EPS8: variants seen among roughly 807,000 people sequenced by gnomAD.
The protein encoded by EPS8 is EGFR pathway substrate 8, signaling adaptor.
EPS8 carries 42 observed loss-of-function variants against 103.8 expected under a neutral mutation model. The ratio of observed to expected loss-of-function variants is 0.40; its 90% CI spans 0.32 to 0.52. The LOEUF is 0.52. Among genes scored for constraint, EPS8 ranks in the 20% least tolerant of loss-of-function variants. The probability of loss-of-function intolerance (pLI) is 0.40; values close to 1 mark genes in which losing one functional copy is unlikely to be tolerated. For synonymous variants in EPS8, 344 were observed against 344.6 expected (o/e 1.00, Z 0.02); for missense variants, 969 against 1,005.1 (o/e 0.96, Z 0.49).
rs936403022 is a variant in EPS8, at chr12:15,620,481, C to T, written c.*836G>A. ...GACACAGATAAACACATAAAATGGCCCCACTTCCTTTTAACTACTCATATC... is the reference window on the plus strand; with the variant it reads ...GACACAGATAAACACATAAAATGGCTCCACTTCCTTTTAACTACTCATATC... On this transcript the variant is annotated 3_prime_UTR_variant, in exon 21 of 21. Transcript: ENST00000281172. 1.6e-4 allele frequency: 24 copies of T among 152,504 alleles called. No individual in the cohort carries two copies. The highest frequency in any genetic ancestry group is 1.2e-3 in the Admixed American group (18 of 15,254). The allele number at this position is 152,504 out of a possible 1,614,324, so 9.4% of individuals were successfully genotyped here.
In EPS8 at chr12:15,717,592, AAAAG is replaced by A. The variant is rs199637244; in HGVS notation, c.-21-34624_-21-34621del. On this transcript the variant is annotated intron_variant, in intron 1 of 20. Coordinates refer to ENST00000281172, the MANE Select transcript of EPS8 (RefSeq NM_004447.6). This position sits in a 1 kb window ranked among gnomAD's most constrained non-coding sequence, Gnocchi z 4.3. The stretch of plus-strand genomic sequence containing the variant: ...ACAGCACGAGACTCCATCTCAAAAA[AAAAG>A]AAAGAAAGAAAGAAAAAAGAAATGA... Among the ~76,000 whole-genome samples, 3 of 152,272 alleles carry A rather than the reference AAAAG, an allele frequency of 2.0e-5. No individual in the cohort carries two copies. Among genetic ancestry groups the A allele is most frequent in the Non-Finnish European group, 2.9e-5 (2 of 68,018 alleles).
intron 17 of EPS8, among the ~76,000 whole-genome samples, chr12:15,637,705 T>TGAAGAA (rs1945160736): frequency 6.6e-6 from 1 of 152,212 alleles, no homozygotes; most frequent in Non-Finnish European, 1.5e-5. Context: ...AAAGTTTCTT[T>TGAAGAA]ATATTTCTTC....
chr12:15,748,351 C>G lies in EPS8; in HGVS notation c.-22+40810G>C, dbSNP rs1177825150. On this transcript the variant is annotated intron_variant, in intron 1 of 20. Transcript: ENST00000281172. This position sits in a 1 kb window ranked among gnomAD's most constrained non-coding sequence, Gnocchi z 4.8. Reference sequence around the variant, plus strand: ...ACCAATTTTAAGTATTCATCTATTACCAAATAAATTCACCTAGTAGGAAAA... The same window carrying G: ...ACCAATTTTAAGTATTCATCTATTAGCAAATAAATTCACCTAGTAGGAAAA... Among the ~76,000 whole-genome samples, 1 of 152,076 alleles carries G rather than the reference C, an allele frequency of 6.6e-6. No homozygotes were observed. Among genetic ancestry groups the G allele is most frequent in the African/African-American group, 2.4e-5 (1 of 41,400 alleles).
At position 15,772,729 on chromosome 12, in the gene EPS8, G is replaced by C. The variant is rs1185132817; in HGVS notation, c.-22+16432C>G. 6.6e-6 allele frequency among the ~76,000 whole-genome samples: 1 copy of C among 152,060 alleles called. No homozygotes were observed. Among genetic ancestry groups the C allele is most frequent in the Non-Finnish European group, 1.5e-5 (1 of 68,010 alleles). ...ACAAAGCAGAGGTAGATGTTAACCA[G>C]GAAAGAACAGCACCACCACAGGAGC... is the stretch of plus-strand genomic sequence containing the variant. On this transcript the variant is annotated intron_variant, in intron 1 of 20. Transcript: ENST00000281172. The surrounding 1 kb of genome is among the most constrained non-coding windows in gnomAD (Gnocchi z 5.0).
At chr12:15,729,749 T>G (rs1946693293) in intron 1 of EPS8, among the ~76,000 whole-genome samples, 1 of 152,214 alleles carries the variant, frequency 6.6e-6, no homozygotes, top group African/African-American at 2.4e-5. Context: ...TTTCTGTTAT[T>G]GATTTCTAGT....
chr12:15,741,552 CT>C lies in EPS8; in HGVS notation c.-22+47608del, dbSNP rs1946823092. On this transcript the variant is annotated intron_variant, in intron 1 of 20. Transcript: ENST00000281172. ...GCCCTGCAATTTATCGAGCCTGCCC[CT>C]GTCCCTGACTTTGTGAGGGCAACAA... Among the ~76,000 whole-genome samples the C allele has an allele frequency of 3.3e-5, 5 of 152,284 alleles. No individual in the cohort carries two copies. In the South Asian group the frequency reaches 1.0e-3, roughly 32 times the overall value.
At position 15,751,132 on chromosome 12, in the gene EPS8, C is replaced by A. The variant is rs1008307647; in HGVS notation, c.-22+38029G>T. Among the ~76,000 whole-genome samples the A allele has an allele frequency of 1.3e-5, 2 of 152,062 alleles. No homozygotes were observed. The highest frequency in any genetic ancestry group is 2.9e-5 in the Non-Finnish European group (2 of 67,998). On this transcript the variant is annotated intron_variant, in intron 1 of 20. Transcript: ENST00000281172. This position sits in a 1 kb window ranked among gnomAD's most constrained non-coding sequence, Gnocchi z 4.3. ...CAGCTCTTTGGGAGGACGAGGCAGG[C>A]GGATCACTTGAGGTCAGGAGTTCGA...
intron 1 of EPS8, among the ~76,000 whole-genome samples, chr12:15,686,031 C>A (rs1591856345): frequency 1.3e-5 from 2 of 152,252 alleles, no homozygotes; most frequent in Admixed American, 1.3e-4. Flanking sequence ...CTACCACCTA[C>A]AGTTGGCTCC....
At chr12:15,692,958 T>C (rs368553184) in intron 1 of EPS8, among the ~76,000 whole-genome samples, 3 of 152,196 alleles carry the variant, frequency 2.0e-5, no homozygotes, top group African/African-American at 4.8e-5. Flanking sequence ...TCTCCCTTCA[T>C]TGTCTCTTTA....
intron 15 of EPS8, among the ~76,000 whole-genome samples, chr12:15,642,524 T>C (rs1366810616): frequency 1.3e-5 from 2 of 152,134 alleles, no homozygotes; most frequent in South Asian, 2.1e-4. Flanking sequence ...TGAGTACTAA[T>C]AGATTTAACA....
rs1405208312 is a variant in EPS8 at position 15,761,548 on chromosome 12, T to C, written c.-22+27613A>G. Among the ~76,000 whole-genome samples, 1 of 152,042 alleles carries C rather than the reference T, an allele frequency of 6.6e-6. No individual in the cohort carries two copies. The highest frequency in any genetic ancestry group is 1.5e-5 in the Non-Finnish European group (1 of 68,004). On this transcript the variant is annotated intron_variant, in intron 1 of 20. Transcript: ENST00000281172. This position sits in a 1 kb window ranked among gnomAD's most constrained non-coding sequence, Gnocchi z 4.5. Reference sequence around the variant, plus strand: ...GATTTCAAATTATACTATGGAGCTATAGTAACCAAAAAGGCATGGAACTGG... The same window carrying C: ...GATTTCAAATTATACTATGGAGCTACAGTAACCAAAAAGGCATGGAACTGG...
chr12:15,646,021 A>G (rs994140965), intron 15 of EPS8, among the ~76,000 whole-genome samples: 1 of 152,206 alleles, frequency 6.6e-6, no homozygotes, highest in African/African-American at 2.4e-5. Flanking sequence ...TAAGATGAAT[A>G]CTTAGTTAAG....
chr12:15,625,369 A>G (rs569433146), intron 18 of EPS8, among the ~76,000 whole-genome samples: 1 of 152,194 alleles, frequency 6.6e-6, no homozygotes, highest in East Asian at 1.9e-4. Context: ...CAGCCTGCAA[A>G]CATGCTATTA....
chr12:15,687,763 G>A (rs189988650), intron 1 of EPS8, among the ~76,000 whole-genome samples: 173 of 152,244 alleles, frequency 1.1e-3, no homozygotes, highest in Middle Eastern at 0.01. Flanking sequence ...TCCCTGAGTT[G>A]CTATGATGAC....
rs35142421 is a variant in EPS8 at position 15,663,976 on chromosome 12, T to TATATATACACAC, written c.736+1779_736+1780insGTGTGTATATAT. On this transcript the variant is annotated intron_variant, in intron 8 of 20. Transcript: ENST00000281172. ...ATATATATATATATATATATATATA[T>TATATATACACAC]ACACACACACATATATATATGGTTC... Among the ~76,000 whole-genome samples, 16 of 104,452 alleles carry TATATATACACAC rather than the reference T, an allele frequency of 1.5e-4. No individual in the cohort carries two copies. The East Asian group carries it at 4.2e-3, about 28-fold the overall frequency. The allele number at this position is 104,452 out of a possible 152,430, so 68.5% of individuals were successfully genotyped here. A position where few individuals can be genotyped will look rare whatever the true frequency, so the allele number is the denominator to read the frequency against.
intron 1 of EPS8, among the ~76,000 whole-genome samples, chr12:15,753,076 C>T (rs989350192): frequency 6.6e-6 from 1 of 151,808 alleles, no homozygotes; most frequent in East Asian, 1.9e-4. Flanking sequence ...AAATCCAGGG[C>T]TGAACAAGAG....
rs551857894 is a variant in EPS8, at chr12:15,780,032, A to G, written c.-22+9129T>C. 1 of 152,342 alleles carries G rather than the reference A, an allele frequency of 6.6e-6. No homozygotes were observed. Among genetic ancestry groups the G allele is most frequent in the South Asian group, 2.1e-4 (1 of 4,834 alleles). 9.4% of individuals were successfully genotyped at this position (152,342 alleles called of 1,614,324 possible). ...ATGCAAGTTCTCTTTCTTAAATTCC[A>G]TATAATCACTTGAGTATCACAGGAC... On this transcript the variant is annotated intron_variant, in intron 1 of 20. Coordinates refer to ENST00000281172, the MANE Select transcript of EPS8 (RefSeq NM_004447.6). This position sits in a 1 kb window ranked among gnomAD's most constrained non-coding sequence, Gnocchi z 4.1.
rs1946861966 is a variant in EPS8 at position 15,745,029 on chromosome 12, A to G, written c.-22+44132T>C. Among the ~76,000 whole-genome samples, 1 of 152,022 alleles carries G rather than the reference A, an allele frequency of 6.6e-6. No homozygotes were observed. The highest frequency in any genetic ancestry group is 1.5e-5 in the Non-Finnish European group (1 of 68,006). ...CTGGCATGTGCCACCACGCCCAGCT[A>G]ATTTTTGTATTTTTAGTAGAGATGG... On this transcript the variant is annotated intron_variant, in intron 1 of 20. Transcript: ENST00000281172. The surrounding 1 kb of genome is among the most constrained non-coding windows in gnomAD (Gnocchi z 4.6).
At position 15,757,082 on chromosome 12, in the gene EPS8, T is replaced by A. The variant is rs1353138333; in HGVS notation, c.-22+32079A>T. Among the ~76,000 whole-genome samples the A allele has an allele frequency of 6.6e-6, 1 of 152,204 alleles. No homozygotes were observed. On this transcript the variant is annotated intron_variant, in intron 1 of 20. Coordinates refer to ENST00000281172, the MANE Select transcript of EPS8 (RefSeq NM_004447.6). The surrounding 1 kb of genome is among the most constrained non-coding windows in gnomAD (Gnocchi z 4.1). ...TTTTCATCCATAAGCTCCAAGTGGATAATGATCATATCTCATAAATTTTAT... is the reference window on the plus strand; with the variant it reads ...TTTTCATCCATAAGCTCCAAGTGGAAAATGATCATATCTCATAAATTTTAT...
Sources: allele counts gnomAD v4.1 joint callset (sites outside exome capture counted in the v4.1 genomes callset), GRCh38; gene constraint gnomAD v4.1.1; non-coding constraint Gnocchi (gnomAD v3.1); transcripts MANE v1.5; gene names NCBI Gene and HGNC (gene_info 2026-07-23, HGNC 2026-07-21).